ILRUN: variants seen among roughly 807,000 people sequenced by gnomAD.
The protein encoded by ILRUN is protein ILRUN.
Under a neutral mutation model 33.8 loss-of-function variants are expected in ILRUN, and 3 were observed. The ratio of observed to expected loss-of-function variants is 0.09; its 90% CI spans 0.04 to 0.23. The LOEUF (loss-of-function observed/expected upper bound fraction) is 0.23. Among genes scored for constraint, ILRUN ranks in the 10% least tolerant of loss-of-function variants. The probability of loss-of-function intolerance (pLI) is 1.00; values close to 1 mark genes in which losing one functional copy is unlikely to be tolerated. For synonymous variants in ILRUN, 124 were observed against 138.9 expected (o/e 0.89, Z 0.75); for missense variants, 210 against 375.1 (o/e 0.56, Z 3.64).
At chr6:34,649,212 A>AC (rs1357965918) in intron 2 of ILRUN, among the ~76,000 whole-genome samples, 1 of 152,244 alleles carries the variant, frequency 6.6e-6, no homozygotes, top group East Asian at 1.9e-4. Flanking sequence ...TATCAATGAT[A>AC]CATACAATTC....
intron 1 of ILRUN, among the ~76,000 whole-genome samples, chr6:34,688,384 C>CA: frequency 7.8e-6 from 1 of 128,878 alleles, no homozygotes; most frequent in Middle Eastern, 4.6e-3. Context: ...GCCTGGGCAA[C>CA]AGAATGAGAC....
At chr6:34,610,660 A>C (rs2127326106) in intron 3 of ILRUN, among the ~76,000 whole-genome samples, 2 of 152,326 alleles carry the variant, frequency 1.3e-5, no homozygotes, top group East Asian at 3.9e-4. Flanking sequence ...AAAATCTGAA[A>C]CACTTCTGGT....
In ILRUN at chr6:34,612,813, C is replaced by T. The variant is rs555132836; in HGVS notation, c.512-5909G>A. 1.5e-4 allele frequency among the ~76,000 whole-genome samples: 23 copies of T among 152,176 alleles called. No individual in the cohort carries two copies. The East Asian group carries it at 4.1e-3, about 27-fold the overall frequency. ...ATCCCAGCATTTTGGGAGGCCAAGGCGGGCGGATCATGAGGTCAGGAGATC... is the reference window on the plus strand; with the variant it reads ...ATCCCAGCATTTTGGGAGGCCAAGGTGGGCGGATCATGAGGTCAGGAGATC... On this transcript the variant is annotated intron_variant, in intron 3 of 4. Coordinates refer to ENST00000374023, the MANE Select transcript of ILRUN (RefSeq NM_024294.4).
At chr6:34,635,397 G>A (rs996934350) in intron 3 of ILRUN, among the ~76,000 whole-genome samples, 8 of 151,972 alleles carry the variant, frequency 5.3e-5, no homozygotes, top group African/African-American at 1.2e-4. Flanking sequence ...GTGTAATGAC[G>A]CGTGCCTGTA....
chr6:34,616,146 T>C (rs1228968836), intron 3 of ILRUN, among the ~76,000 whole-genome samples: 1 of 152,210 alleles, frequency 6.6e-6, no homozygotes, highest in Non-Finnish European at 1.5e-5. Flanking sequence ...TGGATGCTTC[T>C]GATCTTTAGA....
chr6:34,667,057 A>C (rs1303133021), intron 1 of ILRUN, among the ~76,000 whole-genome samples: 1 of 152,222 alleles, frequency 6.6e-6, no homozygotes, highest in Non-Finnish European at 1.5e-5. Flanking sequence ...AAAACTATCC[A>C]ATCTGGTTTA....
At chr6:34,686,634 T>A (rs1368430411) in intron 1 of ILRUN, 2 of 211,254 alleles carry the variant, frequency 9.5e-6, no homozygotes, top group East Asian at 2.3e-4. Context: ...AGACTTTCTA[T>A]AAGAAGTATG....
chr6:34,636,517 T>C (rs1762371444), intron 3 of ILRUN, among the ~76,000 whole-genome samples: 1 of 152,046 alleles, frequency 6.6e-6, no homozygotes, highest in Admixed American at 6.5e-5. Flanking sequence ...AAACCATCGT[T>C]ACAGGAACAG....
chr6:34,692,801 G>T (rs138757833), intron 1 of ILRUN, among the ~76,000 whole-genome samples: 1 of 152,126 alleles, frequency 6.6e-6, no homozygotes, highest in African/African-American at 2.4e-5. Context: ...ATTCAGATGC[G>T]TGATGATTGG....
In ILRUN at chr6:34,587,851, G is replaced by GAA. The variant is rs543574783; in HGVS notation, c.*2712_*2713dup. ...ACACTGACAGATTCTTCCCAAGTCT[G>GAA]AACCCCTCTGTCTCCCCAACTGGGT... On this transcript the variant is annotated 3_prime_UTR_variant, in exon 5 of 5. Coordinates refer to ENST00000374023, the MANE Select transcript of ILRUN (RefSeq NM_024294.4). The GAA allele has an allele frequency of 1.5e-4, 57 of 392,456 alleles. No individual in the cohort carries two copies. The highest frequency in any genetic ancestry group is 9.8e-4 in the Admixed American group (22 of 22,504). 24.3% of individuals were successfully genotyped at this position (392,456 alleles called of 1,614,324 possible). A position where few individuals can be genotyped will look rare whatever the true frequency, so the allele number is the denominator to read the frequency against.
At chr6:34,679,527 T>C (rs924297106) in intron 1 of ILRUN, among the ~76,000 whole-genome samples, 27 of 152,220 alleles carry the variant, frequency 1.8e-4, no homozygotes, top group Admixed American at 3.3e-4. Flanking sequence ...AGATTATTAA[T>C]CATATCTATG....
At chr6:34,618,665 G>A (rs1246725175) in intron 3 of ILRUN, among the ~76,000 whole-genome samples, 1 of 152,148 alleles carries the variant, frequency 6.6e-6, no homozygotes, top group African/African-American at 2.4e-5. Flanking sequence ...GCTTGTTCCT[G>A]GTGATCTTTG....
At chr6:34,625,332 C>CACAT (rs1277914338) in intron 3 of ILRUN, among the ~76,000 whole-genome samples, 1 of 152,168 alleles carries the variant, frequency 6.6e-6, no homozygotes, top group African/African-American at 2.4e-5. Context: ...GCACAGAGCT[C>CACAT]TGGGGGCATT....
At chr6:34,626,383 C>T (rs959809988) in intron 3 of ILRUN, among the ~76,000 whole-genome samples, 1 of 152,160 alleles carries the variant, frequency 6.6e-6, no homozygotes, top group African/African-American at 2.4e-5. Flanking sequence ...AATATATTGC[C>T]CAGGCTGGTC....
At chr6:34,641,860 T>A (rs903310902) in intron 3 of ILRUN, among the ~76,000 whole-genome samples, 6 of 151,716 alleles carry the variant, frequency 4.0e-5, no homozygotes, top group African/African-American at 1.2e-4. Context: ...CAAAATTAAA[T>A]CTAAAAAAAA....
At chr6:34,672,231 C>G (rs934075722) in intron 1 of ILRUN, among the ~76,000 whole-genome samples, 15 of 152,050 alleles carry the variant, frequency 9.9e-5, no homozygotes, top group African/African-American at 3.6e-4. Context: ...GAACCTGGAA[C>G]TACAGGTGTG....
intron 3 of ILRUN, among the ~76,000 whole-genome samples, chr6:34,609,918 G>C (rs1249011218): frequency 6.6e-6 from 1 of 152,118 alleles, no homozygotes; most frequent in Non-Finnish European, 1.5e-5. Flanking sequence ...CAGCACTTTG[G>C]GAGGCCGAGG....
intron 4 of ILRUN, among the ~76,000 whole-genome samples, chr6:34,606,140 A>G (rs1220138493): frequency 6.6e-6 from 1 of 152,220 alleles, no homozygotes; most frequent in African/African-American, 2.4e-5. Context: ...TCTCTGGGTC[A>G]TGGATAAGGA....
At chr6:34,626,710 T>C (rs1476387068) in intron 3 of ILRUN, among the ~76,000 whole-genome samples, 2 of 152,128 alleles carry the variant, frequency 1.3e-5, no homozygotes, top group Non-Finnish European at 2.9e-5. Flanking sequence ...GTATCCCCCA[T>C]TATATTAATA....
Sources: gnomAD v4.1 joint callset for allele counts (sites outside exome capture counted in the v4.1 genomes callset) on GRCh38, gnomAD v4.1.1 for gene constraint, MANE v1.5 for transcripts, NCBI Gene and HGNC (gene_info 2026-07-23, HGNC 2026-07-21) for gene names.